The following SYT1 variants were observed in gnomAD, a reference collection of about 807,000 sequenced individuals.
The protein encoded by SYT1 is synaptotagmin 1.
SYT1 carries 8 observed loss-of-function variants against 44.8 expected under a neutral mutation model. The ratio of observed to expected loss-of-function variants is 0.18; its 90% confidence interval spans 0.10 to 0.32. The LOEUF is 0.32. Ranked by LOEUF, SYT1 falls within the 10% of genes least tolerant of loss-of-function variation. The probability of loss-of-function intolerance (pLI) is 1.00; values close to 1 mark genes in which losing one functional copy is unlikely to be tolerated. For synonymous variants in SYT1, 154 were observed against 188.8 expected (o/e 0.82, Z 1.51); for missense variants, 286 against 509.3 (o/e 0.56, Z 4.22).
chr12:79,318,542 G>A (rs185350980), intron 8 of SYT1, among the ~76,000 whole-genome samples: 13 of 152,286 alleles, frequency 8.5e-5, no homozygotes, highest in Non-Finnish European at 1.0e-4. Context: ...AAGGCCCCAC[G>A]TACAATTCTA....
At chr12:79,428,614 G>C (rs1869588798) in intron 9 of SYT1, among the ~76,000 whole-genome samples, 1 of 152,168 alleles carries the variant, frequency 6.6e-6, no homozygotes, top group South Asian at 2.1e-4. Context: ...TGTGAGAAGA[G>C]GAGGGGGACG....
At position 78,973,929 on chromosome 12, in the gene SYT1, AAAAAAAAAAATATATATATATATATAT is replaced by A. The variant is rs1285350637; in HGVS notation, c.-216-3868_-216-3842del. Among the ~76,000 whole-genome samples the A allele has an allele frequency of 2.3e-4, 9 of 38,484 alleles. 1 individual carries two copies. The highest frequency in any genetic ancestry group is 9.8e-4 in the African/African-American group (9 of 9,218). The allele number at this position is 38,484 out of a possible 152,430, so 25.2% of individuals were successfully genotyped here. On this transcript the variant is annotated intron_variant, in intron 1 of 10. Coordinates refer to ENST00000261205, the MANE Select transcript of SYT1 (RefSeq NM_005639.3). ...AGAGACGAACACCAAAAAAAAAAAA[AAAAAAAAAAATATATATATATATATAT>A]ATATATATATATATATATATATATA...
intron 4 of SYT1, among the ~76,000 whole-genome samples, chr12:79,240,140 G>C (rs1376527523): frequency 6.6e-6 from 1 of 152,202 alleles, no homozygotes; most frequent in Non-Finnish European, 1.5e-5. Flanking sequence ...GGAGAGGGTA[G>C]AGTCTTGAAA....
At chr12:78,894,250 T>G (rs1875218152) in intron 1 of SYT1, among the ~76,000 whole-genome samples, 1 of 150,738 alleles carries the variant, frequency 6.6e-6, no homozygotes, top group African/African-American at 2.4e-5. Flanking sequence ...GTTGTTACAG[T>G]ATGTTTATAG....
intron 9 of SYT1, among the ~76,000 whole-genome samples, chr12:79,367,702 C>T (rs927407076): frequency 9.2e-5 from 14 of 151,868 alleles, no homozygotes; most frequent in Non-Finnish European, 1.9e-4. Context: ...ATAGAAAAAC[C>T]TGGTTGGATT....
chr12:79,431,606 C>G (rs1869792113), intron 9 of SYT1, among the ~76,000 whole-genome samples: 1 of 151,342 alleles, frequency 6.6e-6, no homozygotes, highest in Non-Finnish European at 1.5e-5. Flanking sequence ...TGCAATGGCA[C>G]AATCTTGGCT....
chr12:79,185,545 C>T (rs1291807989), intron 3 of SYT1, among the ~76,000 whole-genome samples: 1 of 151,862 alleles, frequency 6.6e-6, no homozygotes, highest in East Asian at 1.9e-4. Context: ...TCTGAGTCTT[C>T]AAGGAGCTGA....
At chr12:79,043,614 T>A (rs1341101894) in intron 2 of SYT1, among the ~76,000 whole-genome samples, 1 of 151,512 alleles carries the variant, frequency 6.6e-6, no homozygotes, top group Non-Finnish European at 1.5e-5. Context: ...TTGGAGCATT[T>A]AGTCCATTTA....
chr12:79,361,737 G>A (rs1204931280), intron 9 of SYT1, among the ~76,000 whole-genome samples: 1 of 152,182 alleles, frequency 6.6e-6, no homozygotes, highest in Non-Finnish European at 1.5e-5. Context: ...CACAAAAGAA[G>A]ATGAGACACA....
intron 3 of SYT1, among the ~76,000 whole-genome samples, chr12:79,113,958 C>A (rs1047394155): frequency 6.6e-6 from 1 of 152,092 alleles, no homozygotes; most frequent in African/African-American, 2.4e-5. Context: ...TTCATTCAAC[C>A]AAGGCTTTCT....
chr12:78,893,815 G>A (rs1421891047), intron 1 of SYT1, among the ~76,000 whole-genome samples: 7 of 151,418 alleles, frequency 4.6e-5, no homozygotes, highest in Non-Finnish European at 8.9e-5. Flanking sequence ...TATTTTATAC[G>A]GATGATTCTG....
At chr12:79,283,817 T>G (rs974143066) in intron 4 of SYT1, among the ~76,000 whole-genome samples, 1 of 151,848 alleles carries the variant, frequency 6.6e-6, no homozygotes, top group Non-Finnish European at 1.5e-5. Flanking sequence ...GTCACATAAG[T>G]ATTTCTTTGG....
At chr12:79,341,738 A>G (rs1882384829) in intron 8 of SYT1, among the ~76,000 whole-genome samples, 1 of 129,544 alleles carries the variant, frequency 7.7e-6, no homozygotes, top group Non-Finnish European at 1.5e-5. Flanking sequence ...GCATGATCTC[A>G]GCTCACTGCA....
chr12:78,892,938 G>A (rs1380338154), intron 1 of SYT1, among the ~76,000 whole-genome samples: 1 of 151,764 alleles, frequency 6.6e-6, no homozygotes, highest in African/African-American at 2.4e-5. Context: ...GAAAAATTAG[G>A]ATGTATAAGT....
rs1214845399 is a variant in SYT1, at chr12:79,310,096, C to A, written c.810+10545C>A. Among the ~76,000 whole-genome samples the A allele has an allele frequency of 2.6e-5, 4 of 152,244 alleles. No individual in the cohort carries two copies. The East Asian group carries it at 7.7e-4, about 29-fold the overall frequency. ...TTAGACATGAAGTCCTTGCCCATGC[C>A]TATGTACTGAATGGTAATGCCTAGG... On this transcript the variant is annotated intron_variant, in intron 8 of 10. Transcript: ENST00000261205.
intron 9 of SYT1, among the ~76,000 whole-genome samples, chr12:79,389,110 A>G (rs1593024160): frequency 6.6e-6 from 1 of 152,358 alleles, no homozygotes; most frequent in Middle Eastern, 3.4e-3. Flanking sequence ...ACAGAATTAT[A>G]TGTAATCAGT....
chr12:79,428,459 C>A (rs973687391), intron 9 of SYT1, among the ~76,000 whole-genome samples: 3 of 152,164 alleles, frequency 2.0e-5, no homozygotes, highest in Non-Finnish European at 4.4e-5. Context: ...AGTGTCTTTT[C>A]CCCAAGCATG....
At position 79,434,827 on chromosome 12, in the gene SYT1, C is replaced by T. The variant is rs550138055; in HGVS notation, c.929-9246C>T. Among the ~76,000 whole-genome samples the T allele has an allele frequency of 4.6e-5, 7 of 152,082 alleles. No homozygotes were observed. The East Asian group carries it at 7.8e-4, about 17-fold the overall frequency. ...ATAAATATTGGTTGGTTGCCGCCCA[C>T]CTTCCATCCTGCCTTCTTTTAGGTA... On this transcript the variant is annotated intron_variant, in intron 9 of 10. Transcript: ENST00000261205.
At chr12:79,064,709 G>C (rs923818270) in intron 3 of SYT1, among the ~76,000 whole-genome samples, 1 of 151,544 alleles carries the variant, frequency 6.6e-6, no homozygotes, top group African/African-American at 2.4e-5. Context: ...GTGTGTGTTG[G>C]GGGGTATGAT....
Sources: allele counts gnomAD v4.1 joint callset (sites outside exome capture counted in the v4.1 genomes callset), GRCh38; gene constraint gnomAD v4.1.1; transcripts MANE v1.5; gene names NCBI Gene and HGNC (gene_info 2026-07-23, HGNC 2026-07-21).